The following CCDC178 variants were observed in gnomAD, a reference collection of about 807,000 sequenced individuals.
The protein encoded by CCDC178 is coiled-coil domain-containing protein 178.
A neutral mutation model predicts 117.4 loss-of-function variants in CCDC178; 126 were observed. The ratio of observed to expected loss-of-function variants is 1.07; its 90% CI spans 0.93 to 1.24. CCDC178 has a LOEUF of 1.24. Among genes scored for constraint, CCDC178 ranks in the 50% most tolerant of loss-of-function variants. CCDC178 has a pLI of 0.00. For missense variants in CCDC178, 1,030 were observed against 986.9 expected (o/e 1.04, Z -0.59); for synonymous variants, 283 against 313.4 (o/e 0.90, Z 1.02).
chr18:33,428,730 CAAAAAAAAAAA>C (rs35234261), intron 2 of CCDC178, among the ~76,000 whole-genome samples: 4 of 42,380 alleles, frequency 9.4e-5, no homozygotes, highest in Non-Finnish European at 1.8e-4. Flanking sequence ...GACTCTGTCT[CAAAAAAAAAAA>C]AAAAAAAAAA....
intron 21 of CCDC178, among the ~76,000 whole-genome samples, chr18:32,989,085 A>G (rs915966395): frequency 6.6e-6 from 1 of 152,180 alleles, no homozygotes; most frequent in Non-Finnish European, 1.5e-5. Flanking sequence ...GAAAATAGAA[A>G]AAGAGAGAAT....
intron 21 of CCDC178, among the ~76,000 whole-genome samples, chr18:33,084,831 A>T (rs964704764): frequency 6.6e-6 from 1 of 152,066 alleles, no homozygotes; most frequent in East Asian, 1.9e-4. Context: ...AAAAGAAAGA[A>T]AGATTTGGAT....
chr18:33,196,013 T>C (rs897814975), intron 20 of CCDC178, among the ~76,000 whole-genome samples: 5 of 152,226 alleles, frequency 3.3e-5, no homozygotes, highest in African/African-American at 9.6e-5. Context: ...TCTGGGCCTC[T>C]GGAATGTCTT....
rs1190565829 is a variant in CCDC178, at chr18:32,974,691, A to G, written c.2389-10T>C. 1 of 1,611,620 alleles carries G rather than the reference A, an allele frequency of 6.2e-7. No homozygotes were observed. Among genetic ancestry groups the G allele is most frequent in the Admixed American group, 1.7e-5 (1 of 59,840 alleles). Reference sequence around the variant, plus strand: ...TCTGCAGCTGACAGAGCTAAAGGGAAGAGGGAGGGGAGAAAACACAAGTCA... The same window carrying G: ...TCTGCAGCTGACAGAGCTAAAGGGAGGAGGGAGGGGAGAAAACACAAGTCA... On this transcript the variant is annotated splice_polypyrimidine_tract_variant and intron_variant, in intron 21 of 22. Transcript: ENST00000383096.
intron 14 of CCDC178, among the ~76,000 whole-genome samples, chr18:33,264,602 G>A (rs2059791706): frequency 6.6e-6 from 1 of 151,992 alleles, no homozygotes; most frequent in African/African-American, 2.4e-5. Context: ...TATACACCAT[G>A]GAAATCCTTC....
chr18:33,152,155 G>C (rs1026472300), intron 20 of CCDC178, among the ~76,000 whole-genome samples: 1 of 152,036 alleles, frequency 6.6e-6, no homozygotes, highest in African/African-American at 2.4e-5. Context: ...TATATACAAT[G>C]ATTAGTAACT....
At chr18:33,122,193 T>C (rs1351593387) in intron 20 of CCDC178, among the ~76,000 whole-genome samples, 1 of 152,166 alleles carries the variant, frequency 6.6e-6, no homozygotes, top group Non-Finnish European at 1.5e-5. Context: ...CTAAATTTGC[T>C]AAATGGCTAA....
At chr18:33,428,096 T>A (rs965943479) in intron 2 of CCDC178, among the ~76,000 whole-genome samples, 4 of 152,234 alleles carry the variant, frequency 2.6e-5, no homozygotes, top group Non-Finnish European at 2.9e-5. Context: ...TGTTTTATTA[T>A]GACATAGCTT....
intron 2 of CCDC178, among the ~76,000 whole-genome samples, chr18:33,424,927 G>A (rs2064098267): frequency 6.6e-6 from 1 of 152,102 alleles, no homozygotes. Context: ...GCATGGGCTC[G>A]AACCTGACCC....
intron 21 of CCDC178, among the ~76,000 whole-genome samples, chr18:33,020,119 T>G (rs1251682375): frequency 6.7e-6 from 1 of 149,500 alleles, no homozygotes; most frequent in Non-Finnish European, 1.5e-5. Context: ...ATAATTGGTT[T>G]TTTTTTTTTT....
chr18:33,265,829 C>A (rs1262329398), intron 14 of CCDC178, among the ~76,000 whole-genome samples: 1 of 151,972 alleles, frequency 6.6e-6, no homozygotes, highest in African/African-American at 2.4e-5. Context: ...GCAGGTAGAC[C>A]AGTTCTGCCA....
rs371081933 is a variant in CCDC178, at chr18:33,266,976, G to A, written c.1349C>T (p.Thr450Met). 69 of 1,599,300 alleles carry A rather than the reference G, an allele frequency of 4.3e-5. No homozygotes were observed. Among genetic ancestry groups the A allele is most frequent in the Non-Finnish European group, 5.1e-5 (60 of 1,175,398 alleles). ...SAISLACTKL[T>M]EDNKKLEIDI... ...AATCTCAAGTTTTTTATTGTCTTCC[G>A]TCAGTTTTGTACATGCCAAAGAAAT... Residue 450 changes from threonine to methionine, a missense_variant, in exon 14 of 23, where the codon ACG (threonine) becomes ATG (methionine). By Grantham distance (81) the Thr-to-Met change is moderately conservative. Coordinates refer to ENST00000383096, the MANE Select transcript of CCDC178 (RefSeq NM_001105528.4).
intron 12 of CCDC178, among the ~76,000 whole-genome samples, chr18:33,281,494 A>C (rs775571118): frequency 9.8e-5 from 15 of 152,300 alleles, no homozygotes; most frequent in Admixed American, 2.6e-4. Context: ...AAACAATGCC[A>C]ATACCAACAT....
At chr18:33,012,143 T>C (rs1347036199) in intron 21 of CCDC178, among the ~76,000 whole-genome samples, 1 of 152,336 alleles carries the variant, frequency 6.6e-6, no homozygotes, top group African/African-American at 2.4e-5. Context: ...TTAGATAAAG[T>C]CACATAGCTA....
chr18:33,025,617 G>A (rs900019991), intron 21 of CCDC178, among the ~76,000 whole-genome samples: 3 of 152,056 alleles, frequency 2.0e-5, no homozygotes, highest in Admixed American at 6.6e-5. Context: ...GAGGATATAC[G>A]TATGACAAAT....
At chr18:33,343,947 A>T (rs559687761) in intron 9 of CCDC178, among the ~76,000 whole-genome samples, 1 of 152,202 alleles carries the variant, frequency 6.6e-6, no homozygotes, top group Non-Finnish European at 1.5e-5. Context: ...AATAATATAA[A>T]GGCAGAAGAT....
intron 20 of CCDC178, among the ~76,000 whole-genome samples, chr18:33,165,686 C>T (rs1005325045): frequency 6.6e-6 from 1 of 151,978 alleles, no homozygotes; most frequent in Non-Finnish European, 1.5e-5. Flanking sequence ...TCACAGTTTG[C>T]CTGTCAATTG....
chr18:33,276,291 G>T (rs1325342312), intron 12 of CCDC178, among the ~76,000 whole-genome samples: 1 of 152,034 alleles, frequency 6.6e-6, no homozygotes, highest in Non-Finnish European at 1.5e-5. Flanking sequence ...GGTTTGAATT[G>T]CCATAAACTG....
chr18:33,319,163 G>A (rs2062465243), intron 11 of CCDC178, among the ~76,000 whole-genome samples: 2 of 151,588 alleles, frequency 1.3e-5, no homozygotes, highest in Admixed American at 1.3e-4. Flanking sequence ...TTTACATTAG[G>A]TATATCTCCT....
Sources: gnomAD v4.1 joint callset for allele counts (sites outside exome capture counted in the v4.1 genomes callset) on GRCh38, gnomAD v4.1.1 for gene constraint, MANE v1.5 for transcripts, NCBI Gene and HGNC (gene_info 2026-07-23, HGNC 2026-07-21) for gene names.